Variants in DCHS2 observed in about 807,000 individuals in gnomAD.
DCHS2 encodes the protein protocadherin-23.
DCHS2 carries 142 observed loss-of-function variants against 182.4 expected under a neutral mutation model. The observed-to-expected ratio is 0.78, with a 90% confidence interval of 0.68 to 0.89. The LOEUF (loss-of-function observed/expected upper bound fraction) is 0.89. Among genes scored for constraint, DCHS2 ranks in the 40% least tolerant of loss-of-function variants. DCHS2 has a pLI of 0.00. For missense variants in DCHS2, 4,319 were observed against 4,198.6 expected, an observed-to-expected ratio of 1.03 and a Z score of -0.79; for synonymous variants, 1,740 against 1,663.3, an observed-to-expected ratio of 1.05 and a Z score of -1.12.
intron 13 of DCHS2, among the ~76,000 whole-genome samples, chr4:154,282,141 C>A (rs574396207): frequency 2.1e-3 from 315 of 151,906 alleles, no homozygotes; most frequent in Non-Finnish European, 3.8e-3. Flanking sequence ...GGATATAAGA[C>A]CAAAAGCATA....
At chr4:154,394,115 G>A (rs1367929890) in intron 1 of DCHS2, among the ~76,000 whole-genome samples, 1 of 152,022 alleles carries the variant, frequency 6.6e-6, no homozygotes, top group Admixed American at 6.6e-5. Context: ...GCTAGGAGAG[G>A]ACCCATCACA....
intron 3 of DCHS2, among the ~76,000 whole-genome samples, chr4:154,336,953 T>C: frequency 6.6e-6 from 1 of 152,226 alleles, no homozygotes; most frequent in Non-Finnish European, 1.5e-5. Context: ...TTTACTGTTA[T>C]AAAGCAGAGG....
chr4:154,305,318 T>C (rs1735399371), intron 10 of DCHS2, 87 bp from the exon 11 acceptor site: 2 of 1,439,330 alleles, frequency 1.4e-6, no homozygotes, highest in Non-Finnish European at 1.8e-6. Context: ...TTGAACATGT[T>C]AGGCCATAGA....
At chr4:154,466,536 C>A (rs757747364) in intron 1 of DCHS2, among the ~76,000 whole-genome samples, 5 of 152,134 alleles carry the variant, frequency 3.3e-5, no homozygotes, top group African/African-American at 7.2e-5. Flanking sequence ...GAAAATGCAA[C>A]CCTGATAAAT....
At chr4:154,313,220 G>A (rs182558748) in intron 10 of DCHS2, among the ~76,000 whole-genome samples, 8 of 152,282 alleles carry the variant, frequency 5.3e-5, no homozygotes, top group African/African-American at 7.2e-5. Flanking sequence ...TGCAGGGGGA[G>A]CTCTTTTTTC....
chr4:154,325,559 A>G (rs371284704), intron 7 of DCHS2, among the ~76,000 whole-genome samples: 1 of 152,182 alleles, frequency 6.6e-6, no homozygotes, highest in Admixed American at 6.5e-5. Flanking sequence ...TAAGACAACA[A>G]AAAGAGAAAT....
At chr4:154,295,827 C>T (rs2111273897) in intron 13 of DCHS2, among the ~76,000 whole-genome samples, 1 of 152,286 alleles carries the variant, frequency 6.6e-6, no homozygotes, top group Non-Finnish European at 1.5e-5. Context: ...ATGAGTTTCA[C>T]ACTCTAACAC....
intron 1 of DCHS2, chr4:154,391,289 C>T: frequency 6.3e-7 from 1 of 1,593,608 alleles, no homozygotes; most frequent in Non-Finnish European, 8.6e-7. Context: ...TTATCTCATC[C>T]AGTCTCATGA....
intron 1 of DCHS2, among the ~76,000 whole-genome samples, chr4:154,453,403 A>C (rs1285507322): frequency 6.6e-6 from 1 of 151,746 alleles, no homozygotes; most frequent in African/African-American, 2.4e-5. Flanking sequence ...GATTTTTTTC[A>C]CCGTTTCTAG....
At chr4:154,421,300 G>A (rs201097575) in intron 1 of DCHS2, among the ~76,000 whole-genome samples, 2 of 152,028 alleles carry the variant, frequency 1.3e-5, no homozygotes, top group East Asian at 1.9e-4. Flanking sequence ...ATTAAGCATC[G>A]AAATACTTTA....
intron 1 of DCHS2, among the ~76,000 whole-genome samples, chr4:154,437,235 T>G (rs1247397590): frequency 1.3e-5 from 2 of 152,210 alleles, no homozygotes; most frequent in Non-Finnish European, 2.9e-5. Context: ...GAATCTGTAC[T>G]TTAAGGAGAC....
intron 1 of DCHS2, among the ~76,000 whole-genome samples, chr4:154,400,929 G>C (rs1340726641): frequency 6.6e-6 from 1 of 152,160 alleles, no homozygotes; most frequent in African/African-American, 2.4e-5. Context: ...TTTCATTGCA[G>C]TAAATTTATA....
intron 3 of DCHS2, among the ~76,000 whole-genome samples, chr4:154,338,092 T>C (rs1728899222): frequency 6.6e-6 from 1 of 152,162 alleles, no homozygotes; most frequent in Non-Finnish European, 1.5e-5. Flanking sequence ...GGCCTTCTCT[T>C]TCTCTCCACT....
Position 154,319,771 on chromosome 4 carries a change from G to A in DCHS2, c.5020+608C>T, listed in dbSNP as rs151141592. Among the ~76,000 whole-genome samples, 12 of 151,472 alleles carry A rather than the reference G, an allele frequency of 7.9e-5. No individual in the cohort carries two copies. In the East Asian group the frequency reaches 2.3e-3, roughly 29 times the overall value. ...AATGTTACAGCCACTATGGAAAATA[G>A]TATGGATGTTCCTCAAAACATAAAA... On this transcript the variant is annotated intron_variant, in intron 9 of 19. Transcript: ENST00000357232.
In DCHS2 at chr4:154,469,518, T is replaced by G. The variant is rs79294487; in HGVS notation, c.2052+19786A>C. ...GTAGTGAATGAGAATCAACATCTTC[T>G]TAATATGTACTTGTAAGTTTCAAAT... On this transcript the variant is annotated intron_variant, in intron 1 of 19. Coordinates refer to ENST00000357232, the MANE Select transcript of DCHS2 (RefSeq NM_001358235.2). Among the ~76,000 whole-genome samples the G allele has an allele frequency of 1.6e-4, 25 of 152,340 alleles. No individual in the cohort carries two copies. In the East Asian group the frequency reaches 4.8e-3, roughly 29 times the overall value.
Position 154,489,329 on chromosome 4 carries a change from G to C in DCHS2, c.2027C>G (p.Ala676Gly), listed in dbSNP as rs1239683646. The change falls in exon 1 of 20, where the codon GCC (alanine) becomes GGC (glycine). Residue 676 changes from alanine to glycine, a missense_variant. Transcript: ENST00000357232. ...QVYNATIAEH[A>G]PVGHCFLQVT... ...CTGCAGAAAGCAGTGTCCAACCGGGGCATGCTCTGCAATGGTGGCATTGTA... is the reference window on the plus strand; with the variant it reads ...CTGCAGAAAGCAGTGTCCAACCGGGCCATGCTCTGCAATGGTGGCATTGTA... 2 of 1,533,636 alleles carry C rather than the reference G, an allele frequency of 1.3e-6. No individual in the cohort carries two copies. Among genetic ancestry groups the C allele is most frequent in the Non-Finnish European group, 8.8e-7 (1 of 1,134,532 alleles).
chr4:154,342,108 T>A (rs1321191546), intron 3 of DCHS2, among the ~76,000 whole-genome samples: 1 of 152,124 alleles, frequency 6.6e-6, no homozygotes, highest in African/African-American at 2.4e-5. Context: ...GATTTTCCAG[T>A]GCATAAAAAG....
chr4:154,396,215 A>G (rs1220247434), intron 1 of DCHS2, among the ~76,000 whole-genome samples: 1 of 150,174 alleles, frequency 6.7e-6, no homozygotes, highest in East Asian at 2.0e-4. Context: ...TACCTGGCAC[A>G]TAATAGGTAC....
intron 1 of DCHS2, among the ~76,000 whole-genome samples, chr4:154,439,534 C>T (rs1375582408): frequency 6.6e-6 from 1 of 152,146 alleles, no homozygotes; most frequent in Non-Finnish European, 1.5e-5. Flanking sequence ...TCTGTCTTTT[C>T]CTAGCTCCTC....
Sources: gnomAD v4.1 joint callset for allele counts (sites outside exome capture counted in the v4.1 genomes callset) on GRCh38, gnomAD v4.1.1 for gene constraint, MANE v1.5 for transcripts, NCBI Gene and HGNC (gene_info 2026-07-23, HGNC 2026-07-21) for gene names.